CDH11: variants seen among roughly 807,000 people sequenced by gnomAD.
The protein encoded by CDH11 is cadherin 11.
CDH11 carries 11 observed loss-of-function variants against 67.8 expected under a neutral mutation model. The ratio of observed to expected loss-of-function variants is 0.16; its 90% CI spans 0.10 to 0.27. The LOEUF (loss-of-function observed/expected upper bound fraction) is 0.27. CDH11 is among the 10% of genes least tolerant of loss of function. The pLI, the probability that CDH11 is intolerant of heterozygous loss-of-function variation, is 1.00. For synonymous variants in CDH11, 419 were observed against 400.0 expected (o/e 1.05, Z -0.57); for missense variants, 847 against 1,031.2 (o/e 0.82, Z 2.45).
intron 1 of CDH11, among the ~76,000 whole-genome samples, chr16:65,100,896 G>GA (rs2074980621): frequency 1.3e-5 from 2 of 152,086 alleles, no homozygotes; most frequent in Non-Finnish European, 2.9e-5. Context: ...AATGATATCT[G>GA]AAAAAACAAT....
At chr16:65,122,366 G>A, upstream of CDH11, 2 of 227,850 alleles carry the variant, frequency 8.8e-6, no homozygotes, top group South Asian at 5.2e-5. Flanking sequence ...GATGGAGTCT[G>A]GAGCGACTGA....
intron 1 of CDH11, chr16:65,071,915 GCCAATCC>G (rs1273201947): frequency 6.6e-6 from 1 of 152,208 alleles, no homozygotes; most frequent in Non-Finnish European, 1.5e-5. Context: ...GTCCACAAAA[GCCAATCC>G]CCTTTGCTGG....
At chr16:65,026,422 A>AGG (rs2073536013) in intron 2 of CDH11, among the ~76,000 whole-genome samples, 1 of 152,144 alleles carries the variant, frequency 6.6e-6, no homozygotes, top group African/African-American at 2.4e-5. Context: ...CCCTTCTACC[A>AGG]TTTGACATTG....
chr16:65,072,464 C>T (rs901189237), intron 1 of CDH11, among the ~76,000 whole-genome samples: 2 of 152,200 alleles, frequency 1.3e-5, no homozygotes, highest in African/African-American at 2.4e-5. Context: ...AAGGGAGGAC[C>T]TCGAACTATT....
rs577594142 is a variant in CDH11, at chr16:65,120,768, G to C, written c.-298+1112C>G. Among the ~76,000 whole-genome samples the C allele has an allele frequency of 3.2e-3, 484 of 152,282 alleles. 4 individuals are homozygous for C. The highest frequency in any genetic ancestry group is 0.01 in the Middle Eastern group (3 of 294). ...AACCTTTCACCCGGGAGAGGCAGGCGCGGCGAGCCCCGGGCGAAAGCAGGG... is the reference window on the plus strand; with the variant it reads ...AACCTTTCACCCGGGAGAGGCAGGCCCGGCGAGCCCCGGGCGAAAGCAGGG... On this transcript the variant is annotated intron_variant, in intron 1 of 12. Coordinates refer to ENST00000268603, the MANE Select transcript of CDH11 (RefSeq NM_001797.4).
chr16:65,035,636 C>T (rs2073739139), intron 2 of CDH11, among the ~76,000 whole-genome samples: 1 of 150,450 alleles, frequency 6.6e-6, no homozygotes, highest in Non-Finnish European at 1.5e-5. Flanking sequence ...TTATGGAATA[C>T]CTGGAGTAGA....
intron 8 of CDH11, among the ~76,000 whole-genome samples, chr16:64,978,054 T>C (rs1254963450): frequency 6.6e-6 from 1 of 152,180 alleles, no homozygotes; most frequent in Non-Finnish European, 1.5e-5. Context: ...ATTTACTTTT[T>C]CATAAGTAAA....
chr16:65,100,116 C>T (rs1361412132), intron 1 of CDH11, among the ~76,000 whole-genome samples: 2 of 152,102 alleles, frequency 1.3e-5, no homozygotes, highest in Non-Finnish European at 2.9e-5. Context: ...AAAGATGGAT[C>T]CTCCAAAGTT....
In CDH11 at chr16:65,121,304, C is replaced by G. The variant is rs1283398865; in HGVS notation, c.-298+576G>C. ...CAAACCCACGCTATTAAAGTGCGGG[C>G]AATCTCCTTCCGGAGCTGGGGTCTT... On this transcript the variant is annotated intron_variant, in intron 1 of 12. Transcript: ENST00000268603. This position sits in a 1 kb window ranked among gnomAD's most constrained non-coding sequence, Gnocchi z 4.1. Among the ~76,000 whole-genome samples, 1 of 152,216 alleles carries G rather than the reference C, an allele frequency of 6.6e-6. No homozygotes were observed. The highest frequency in any genetic ancestry group is 1.9e-4 in the East Asian group (1 of 5,170).
intron 11 of CDH11, among the ~76,000 whole-genome samples, chr16:64,952,323 C>A (rs1156812163): frequency 6.6e-6 from 1 of 152,148 alleles, no homozygotes; most frequent in African/African-American, 2.4e-5. Flanking sequence ...CCACTTTGAC[C>A]TCTGTGGGAC....
Position 64,992,922 on chromosome 16 carries a change from T to C in CDH11, c.636A>G (p.Ala212=). The C allele has an allele frequency of 6.2e-7, 1 of 1,613,726 alleles. No individual in the cohort carries two copies. The highest frequency in any genetic ancestry group is 8.5e-7 in the Non-Finnish European group (1 of 1,179,688). Reference sequence around the variant, plus strand: ...AGTGACATTCCACAGTACCTGTCTGTGCTTCCACCGAAAAATAGGGTTGTC... The same window carrying C: ...AGTGACATTCCACAGTACCTGTCTGCGCTTCCACCGAAAAATAGGGTTGTC... The part of the protein sequence containing the change: ...LEGQPYFSVE[A]QTGIIRTALP... Residue 212 remains alanine (A), a synonymous_variant, in exon 5 of 13, where the codon GCA becomes GCG. Coordinates refer to ENST00000268603, the MANE Select transcript of CDH11 (RefSeq NM_001797.4).
intron 2 of CDH11, among the ~76,000 whole-genome samples, chr16:65,020,856 C>T (rs2073409097): frequency 1.3e-5 from 2 of 152,086 alleles, no homozygotes; most frequent in South Asian, 4.2e-4. Context: ...TTAGGTTTTT[C>T]TTACTTGGAC....
At chr16:64,957,718 T>C (rs535044263) in intron 11 of CDH11, among the ~76,000 whole-genome samples, 233 of 151,982 alleles carry the variant, frequency 1.5e-3, no homozygotes, top group Non-Finnish European at 2.8e-3. Flanking sequence ...CTAAAATTTC[T>C]TAGTAGAGTT....
intron 1 of CDH11, among the ~76,000 whole-genome samples, chr16:65,084,590 AGTC>A (rs2074665745): frequency 1.3e-5 from 2 of 152,240 alleles, no homozygotes; most frequent in African/African-American, 2.4e-5. Context: ...AAGTGAGAAT[AGTC>A]GTCATTTTTG....
At chr16:64,998,252 G>T (rs72790877) in intron 4 of CDH11, among the ~76,000 whole-genome samples, 58 of 152,264 alleles carry the variant, frequency 3.8e-4, no homozygotes, top group Non-Finnish European at 7.8e-4. Context: ...CATTGCAAAA[G>T]CTAAATAAAA....
chr16:64,962,571 C>G (rs577351666), intron 11 of CDH11, among the ~76,000 whole-genome samples: 2 of 152,082 alleles, frequency 1.3e-5, no homozygotes, highest in Admixed American at 1.3e-4. Flanking sequence ...TCTCCCGTGA[C>G]CCCCTACCAC....
intron 2 of CDH11, among the ~76,000 whole-genome samples, chr16:65,020,789 A>G (rs982408101): frequency 6.6e-6 from 1 of 152,118 alleles, no homozygotes; most frequent in Non-Finnish European, 1.5e-5. Context: ...CACACACAAC[A>G]AATACAAATA....
chr16:64,998,987 T>C, intron 3 of CDH11, 131 bp from the exon 4 acceptor site: 1 of 762,340 alleles, frequency 1.3e-6, no homozygotes, highest in Non-Finnish European at 2.1e-6. Flanking sequence ...ATCTCCATTT[T>C]ACAACAGGAG....
At chr16:65,102,634 T>C (rs2075011268) in intron 1 of CDH11, among the ~76,000 whole-genome samples, 1 of 152,252 alleles carries the variant, frequency 6.6e-6, no homozygotes, top group African/African-American at 2.4e-5. Context: ...TTGAGATTTA[T>C]CCTTTCCAAA....
Sources: allele counts gnomAD v4.1 joint callset (sites outside exome capture counted in the v4.1 genomes callset), GRCh38; gene constraint gnomAD v4.1.1; non-coding constraint Gnocchi (gnomAD v3.1); transcripts MANE v1.5; gene names NCBI Gene and HGNC (gene_info 2026-07-23, HGNC 2026-07-21).